Variants in SPATS2 observed in about 807,000 individuals in gnomAD.
The protein encoded by SPATS2 is spermatogenesis-associated serine-rich protein 2.
A neutral mutation model predicts 63.7 loss-of-function variants in SPATS2; 38 were observed. That is an observed-to-expected ratio of 0.60 (90% CI 0.46 to 0.78). SPATS2 has a LOEUF of 0.78. SPATS2 is among the 30% of genes least tolerant of loss of function. The pLI is 0.00. For synonymous variants in SPATS2, 207 were observed against 232.9 expected (o/e 0.89, Z 1.01); for missense variants, 588 against 666.2 (o/e 0.88, Z 1.29).
At chr12:49,425,775 G>A (rs1264916571) in intron 2 of SPATS2, among the ~76,000 whole-genome samples, 2 of 152,056 alleles carry the variant, frequency 1.3e-5, no homozygotes, top group Admixed American at 6.6e-5. Context: ...GATTACAGGC[G>A]CATGCCACCA....
intron 3 of SPATS2, chr12:49,462,904 T>G (rs1945846739): frequency 6.3e-6 from 1 of 157,974 alleles, no homozygotes. Flanking sequence ...CCATGGGTGG[T>G]TTAGGAAAAG....
At chr12:49,428,203 C>T (rs1357851343) in intron 2 of SPATS2, among the ~76,000 whole-genome samples, 1 of 151,504 alleles carries the variant, frequency 6.6e-6, no homozygotes, top group African/African-American at 2.4e-5. Flanking sequence ...TGCAGTGAGT[C>T]GAGATAGCGC....
intron 2 of SPATS2, among the ~76,000 whole-genome samples, chr12:49,453,918 A>G (rs953760286): frequency 5.5e-5 from 7 of 127,228 alleles, no homozygotes; most frequent in Non-Finnish European, 1.1e-4. Flanking sequence ...GCTGGAGTGC[A>G]GTGGCATGAT....
intron 3 of SPATS2, among the ~76,000 whole-genome samples, chr12:49,480,464 AGAT>A (rs1283331668): frequency 6.6e-6 from 1 of 152,104 alleles, no homozygotes; most frequent in Non-Finnish European, 1.5e-5. Context: ...TGTTATATTG[AGAT>A]GATTATTCTT....
intron 2 of SPATS2, among the ~76,000 whole-genome samples, chr12:49,435,695 G>A (rs1945268050): frequency 6.7e-6 from 1 of 148,676 alleles, no homozygotes; most frequent in Admixed American, 6.8e-5. Context: ...TTCTCGCAGA[G>A]GGGGATTTGG....
intron 9 of SPATS2, among the ~76,000 whole-genome samples, chr12:49,514,211 C>T (rs1946802009): frequency 6.7e-6 from 1 of 149,298 alleles, no homozygotes; most frequent in South Asian, 2.1e-4. Context: ...AATTTCCACA[C>T]GGACTTTTGC....
At chr12:49,379,742 C>T (rs912703429) in intron 2 of SPATS2, among the ~76,000 whole-genome samples, 2 of 150,464 alleles carry the variant, frequency 1.3e-5, no homozygotes, top group Non-Finnish European at 3.0e-5. Flanking sequence ...CCTGTCTGAG[C>T]CTCCCGAGTA....
chr12:49,513,645 G>A (rs912590267), intron 9 of SPATS2, among the ~76,000 whole-genome samples: 2 of 152,102 alleles, frequency 1.3e-5, no homozygotes, highest in Non-Finnish European at 2.9e-5. Context: ...ACTATTATGT[G>A]TTTCTCAGAA....
chr12:49,439,466 G>C (rs1945377423), intron 2 of SPATS2, among the ~76,000 whole-genome samples: 1 of 152,194 alleles, frequency 6.6e-6, no homozygotes, highest in Non-Finnish European at 1.5e-5. Flanking sequence ...AATCACGATG[G>C]CTTGGACTAG....
chr12:49,477,463 T>C (rs1049136054), intron 3 of SPATS2, among the ~76,000 whole-genome samples: 10 of 152,186 alleles, frequency 6.6e-5, no homozygotes, highest in Admixed American at 2.0e-4. Context: ...TTTTCTTGCA[T>C]TGAAGCAGAT....
At chr12:49,504,945 G>A (rs987348320) in intron 9 of SPATS2, among the ~76,000 whole-genome samples, 3 of 151,622 alleles carry the variant, frequency 2.0e-5, no homozygotes, top group Admixed American at 6.6e-5. Flanking sequence ...TCTATCTTTT[G>A]TAGAGATGGG....
At chr12:49,517,872 G>C (rs1461779984) in intron 10 of SPATS2, among the ~76,000 whole-genome samples, 2 of 152,024 alleles carry the variant, frequency 1.3e-5, no homozygotes, top group Non-Finnish European at 2.9e-5. Flanking sequence ...TTGGATTTCT[G>C]ATAGCCCTGA....
chr12:49,388,986 G>C (rs2137234377), intron 2 of SPATS2, among the ~76,000 whole-genome samples: 1 of 152,214 alleles, frequency 6.6e-6, no homozygotes, highest in South Asian at 2.1e-4. Context: ...GAGCCATGGT[G>C]ACCACACTTC....
chr12:49,408,535 G>T (rs1592368734), intron 2 of SPATS2, among the ~76,000 whole-genome samples: 2 of 149,148 alleles, frequency 1.3e-5, no homozygotes, highest in South Asian at 4.3e-4. Context: ...TTACAGGCTT[G>T]AGCCACTGTG....
chr12:49,406,773 TA>T (rs998961663), intron 2 of SPATS2, among the ~76,000 whole-genome samples: 75 of 146,420 alleles, frequency 5.1e-4, no homozygotes, highest in African/African-American at 5.5e-4. Flanking sequence ...CAGATTTGGT[TA>T]AAAAAAAAAA....
chr12:49,457,729 G>A lies in SPATS2; in HGVS notation c.-243-3041G>A, dbSNP rs149425531. ...ATTACAGGTGTGAGCCACCATGCCC[G>A]GCCTCATCCTGTTTTCTTTAACCTG... On this transcript the variant is annotated intron_variant, in intron 2 of 13. Transcript: ENST00000552918. 9.2e-4 allele frequency among the ~76,000 whole-genome samples: 140 copies of A among 152,188 alleles called. 1 individual carries two copies. Among genetic ancestry groups the A allele is most frequent in the African/African-American group, 3.0e-3 (124 of 41,536 alleles).
At position 49,431,311 on chromosome 12, in the gene SPATS2, C is replaced by T. The variant is rs545264872; in HGVS notation, c.-243-29459C>T. Among the ~76,000 whole-genome samples, 8 of 152,062 alleles carry T rather than the reference C, an allele frequency of 5.3e-5. No individual in the cohort carries two copies. In the South Asian group the frequency reaches 1.2e-3, roughly 24 times the overall value. On this transcript the variant is annotated intron_variant, in intron 2 of 13. Coordinates refer to ENST00000552918, the MANE Select transcript of SPATS2 (RefSeq NM_023071.4). ...TCGCCCAGGCTGGAGTGCAGTGGCG[C>T]GATCTTGGCTCACTGCAACCTCCGT...
chr12:49,483,682 CCTTTT>C (rs1946243849), intron 3 of SPATS2, among the ~76,000 whole-genome samples: 1 of 152,030 alleles, frequency 6.6e-6, no homozygotes. Context: ...TTTTTGTACC[CCTTTT>C]CTTAACATTT....
At chr12:49,381,616 A>G (rs1422220884) in intron 2 of SPATS2, among the ~76,000 whole-genome samples, 4 of 152,232 alleles carry the variant, frequency 2.6e-5, no homozygotes, top group Non-Finnish European at 4.4e-5. Flanking sequence ...TGAGATTTAG[A>G]TCATCTTTCT....
Sources: allele counts gnomAD v4.1 joint callset (sites outside exome capture counted in the v4.1 genomes callset), GRCh38; gene constraint gnomAD v4.1.1; transcripts MANE v1.5; gene names NCBI Gene and HGNC (gene_info 2026-07-23, HGNC 2026-07-21).